Variants in PARM1 observed in about 807,000 individuals in gnomAD.
PARM1 encodes prostate androgen-regulated mucin-like protein 1, also known as WSC4, cell wall integrity and stress response component 4 homolog.
A neutral mutation model predicts 24.6 loss-of-function variants in PARM1; 14 were observed. That is an observed-to-expected ratio of 0.57 (90% CI 0.38 to 0.89). PARM1 has a LOEUF of 0.89. Among genes scored for constraint, PARM1 ranks in the 40% least tolerant of loss-of-function variants. The probability of loss-of-function intolerance (pLI) is 0.00; values close to 1 mark genes in which losing one functional copy is unlikely to be tolerated. For missense variants in PARM1, 362 were observed against 380.4 expected (o/e 0.95, Z 0.40); for synonymous variants, 179 against 156.6 (o/e 1.14, Z -1.07).
chr4:74,964,894 T>C (rs1218469003), intron 1 of PARM1, among the ~76,000 whole-genome samples: 4 of 152,338 alleles, frequency 2.6e-5, no homozygotes, highest in Non-Finnish European at 5.9e-5. Context: ...TCTAGGTTAG[T>C]TTCTATTTCT....
intron 3 of PARM1, among the ~76,000 whole-genome samples, chr4:75,042,961 CAAAGT>C (rs1723526955): frequency 1.4e-5 from 2 of 147,654 alleles, no homozygotes; most frequent in African/African-American, 5.0e-5. Flanking sequence ...AAAAAAAAAA[CAAAGT>C]AAAGGCCAAT....
intron 2 of PARM1, among the ~76,000 whole-genome samples, chr4:75,022,947 C>T (rs1361541752): frequency 6.6e-6 from 1 of 152,078 alleles, no homozygotes; most frequent in Non-Finnish European, 1.5e-5. Flanking sequence ...CTTTGTTCCC[C>T]CTCAGGTCCT....
chr4:75,026,257 C>CAAAT (rs1159026399), intron 2 of PARM1, among the ~76,000 whole-genome samples: 1 of 151,212 alleles, frequency 6.6e-6, no homozygotes, highest in Non-Finnish European at 1.5e-5. Context: ...TGGGCCTAGA[C>CAAAT]AAATAATAAA....
At chr4:74,985,991 A>G (rs572916064) in intron 1 of PARM1, among the ~76,000 whole-genome samples, 1 of 151,276 alleles carries the variant, frequency 6.6e-6, no homozygotes, top group Non-Finnish European at 1.5e-5. Context: ...CTGGTCTCAA[A>G]CTCCTGACCT....
At chr4:74,939,372 T>G (rs1177908106) in intron 1 of PARM1, among the ~76,000 whole-genome samples, 1 of 152,314 alleles carries the variant, frequency 6.6e-6, no homozygotes, top group African/African-American at 2.4e-5. Flanking sequence ...CCATTAACTG[T>G]GTATTCCTGA....
intron 1 of PARM1, among the ~76,000 whole-genome samples, chr4:74,981,803 C>A (rs1256688139): frequency 6.8e-6 from 1 of 147,252 alleles, no homozygotes; most frequent in Non-Finnish European, 1.5e-5. Context: ...TGAACCTGGG[C>A]AGCAGAGGTT....
At chr4:75,045,828 A>G (rs940799252) in intron 3 of PARM1, among the ~76,000 whole-genome samples, 1 of 152,240 alleles carries the variant, frequency 6.6e-6, no homozygotes, top group African/African-American at 2.4e-5. Context: ...AATGTTAGGA[A>G]TGCAAGCTTC....
At chr4:75,036,713 A>G (rs1350100566) in intron 3 of PARM1, among the ~76,000 whole-genome samples, 1 of 152,204 alleles carries the variant, frequency 6.6e-6, no homozygotes, top group African/African-American at 2.4e-5. Context: ...TGCTGATTAA[A>G]ATTTTATTTT....
chr4:75,009,672 G>C (rs1384747530), intron 1 of PARM1, among the ~76,000 whole-genome samples: 2 of 152,286 alleles, frequency 1.3e-5, no homozygotes, highest in East Asian at 3.9e-4. Flanking sequence ...ATGTGGAAAA[G>C]AGTGGAAAGA....
At chr4:74,962,780 C>A (rs1721804705) in intron 1 of PARM1, among the ~76,000 whole-genome samples, 1 of 152,144 alleles carries the variant, frequency 6.6e-6, no homozygotes, top group Non-Finnish European at 1.5e-5. Flanking sequence ...AAGAGTTATT[C>A]TTTAATGGGT....
In PARM1 at chr4:75,002,469, T is replaced by A. The variant is rs374473270; in HGVS notation, c.44-9956T>A. Among the ~76,000 whole-genome samples, 511 of 151,950 alleles carry A rather than the reference T, an allele frequency of 3.4e-3. 6 individuals are homozygous for A. Among genetic ancestry groups the A allele is most frequent in the African/African-American group, 0.011 (472 of 41,404 alleles). ...GTCCCATGAGAATTTTTTTTTTTTT[T>A]AATTTCAGTGAATGATTGAGCAAAC... is the stretch of plus-strand genomic sequence containing the variant. On this transcript the variant is annotated intron_variant, in intron 1 of 3. Coordinates refer to ENST00000307428, the MANE Select transcript of PARM1 (RefSeq NM_015393.4).
chr4:74,955,984 A>G (rs1179217612), intron 1 of PARM1: 3 of 152,268 alleles, frequency 2.0e-5, no homozygotes, highest in African/African-American at 7.2e-5. Flanking sequence ...TCAGACTAGT[A>G]GCAAGTATGA....
intron 1 of PARM1, among the ~76,000 whole-genome samples, chr4:74,960,782 G>A (rs535668002): frequency 6.6e-6 from 1 of 152,058 alleles, no homozygotes; most frequent in East Asian, 1.9e-4. Flanking sequence ...GCCGAGGCGG[G>A]TGGATCACAA....
intron 1 of PARM1, among the ~76,000 whole-genome samples, chr4:74,998,472 C>A (rs1397611236): frequency 1.3e-5 from 2 of 152,166 alleles, no homozygotes; most frequent in African/African-American, 4.8e-5. Context: ...CATGGAGTTT[C>A]TTCAAACATC....
chr4:74,973,987 G>A (rs1317874782), intron 1 of PARM1, among the ~76,000 whole-genome samples: 3 of 152,164 alleles, frequency 2.0e-5, no homozygotes, highest in Admixed American at 2.0e-4. Context: ...CTGCAAGCTG[G>A]AGACTAAAGA....
At chr4:74,966,552 T>C (rs187779554) in intron 1 of PARM1, among the ~76,000 whole-genome samples, 3 of 152,190 alleles carry the variant, frequency 2.0e-5, no homozygotes, top group Admixed American at 2.0e-4. Flanking sequence ...ATAAAATTAC[T>C]TGGCAGAATT....
intron 1 of PARM1, 41 bp from the exon 2 acceptor site, chr4:75,012,384 G>A (rs1722885763): frequency 1.9e-6 from 3 of 1,593,030 alleles, no homozygotes; most frequent in African/African-American, 1.3e-5. Context: ...ATATTACCGT[G>A]TTTTCACATA....
intron 1 of PARM1, among the ~76,000 whole-genome samples, chr4:75,007,525 G>A (rs1722794946): frequency 6.6e-6 from 1 of 152,102 alleles, no homozygotes; most frequent in Non-Finnish European, 1.5e-5. Context: ...CTCTCTCTGT[G>A]TCTGCTCCCT....
intron 2 of PARM1, among the ~76,000 whole-genome samples, chr4:75,014,029 G>C (rs1435612143): frequency 6.6e-6 from 1 of 152,104 alleles, no homozygotes; most frequent in Non-Finnish European, 1.5e-5. Flanking sequence ...AGTTAGAGGG[G>C]GAAATGGAGC....
Sources: gnomAD v4.1 joint callset for allele counts (sites outside exome capture counted in the v4.1 genomes callset) on GRCh38, gnomAD v4.1.1 for gene constraint, MANE v1.5 for transcripts, NCBI Gene and HGNC (gene_info 2026-07-23, HGNC 2026-07-21) for gene names.